The following SAMHD1 variants were observed in gnomAD, a reference collection of about 807,000 sequenced individuals.
The protein encoded by SAMHD1 is SAM and HD domain containing deoxynucleoside triphosphate triphosphohydrolase 1, also known as deoxynucleoside triphosphate triphosphohydrolase SAMHD1.
Under a neutral mutation model 79.6 loss-of-function variants are expected in SAMHD1, and 54 were observed. The observed-to-expected ratio is 0.68, with a 90% CI of 0.55 to 0.85. The LOEUF is 0.85. SAMHD1 is among the 40% of genes least tolerant of loss of function. The pLI is 0.00. For missense variants in SAMHD1, 663 were observed against 782.7 expected (o/e 0.85, Z 1.82); for synonymous variants, 260 against 264.1 (o/e 0.98, Z 0.15).
At position 36,923,606 on chromosome 20, in the gene SAMHD1, A is replaced by T. The variant is rs191532434; in HGVS notation, c.696+3576T>A. Among the ~76,000 whole-genome samples the T allele has an allele frequency of 1.9e-3, 285 of 152,242 alleles. 1 individual carries two copies. The highest frequency in any genetic ancestry group is 6.4e-3 in the African/African-American group (265 of 41,542). ...AGGAACTTAGGAGTAAGTATAACAA[A>T]GATGTATGACTTTCATGGCAAGCCT... On this transcript the variant is annotated intron_variant, in intron 6 of 15. Transcript: ENST00000646673.
rs1202190121 is a variant in SAMHD1, at chr20:36,939,138, C to T, written c.348+1901G>A. 1.0e-4 allele frequency among the ~76,000 whole-genome samples: 14 copies of T among 134,340 alleles called. 1 individual carries two copies. The highest frequency in any genetic ancestry group is 9.2e-5 in the Non-Finnish European group (6 of 65,340). The allele number at this position is 134,340 out of a possible 152,430, so 88.1% of individuals were successfully genotyped here. On this transcript the variant is annotated intron_variant, in intron 3 of 15. Transcript: ENST00000646673. ...GCGTGGTGGCAGGTGCCTGTAATCCCAGCTACTCAGGAGGCTGAGGCAGGA... is the reference window on the plus strand; with the variant it reads ...GCGTGGTGGCAGGTGCCTGTAATCCTAGCTACTCAGGAGGCTGAGGCAGGA...
intron 4 of SAMHD1, chr20:36,934,640 C>A: frequency 6.7e-6 from 1 of 149,142 alleles, no homozygotes; most frequent in Non-Finnish European, 1.4e-5. Context: ...CTTTTTTTTC[C>A]TGTTTTCTTT....
At chr20:36,923,475 A>G (rs1327499400) in intron 6 of SAMHD1, among the ~76,000 whole-genome samples, 3 of 152,132 alleles carry the variant, frequency 2.0e-5, no homozygotes, top group Non-Finnish European at 4.4e-5. Flanking sequence ...GGGATTTTCA[A>G]AATAGTAGTT....
intron 4 of SAMHD1, chr20:36,931,083 G>A (rs1438695325): frequency 1.7e-6 from 1 of 589,352 alleles, no homozygotes; most frequent in Non-Finnish European, 3.1e-6. Flanking sequence ...AATCATTAGA[G>A]GAATGCACAT....
chr20:36,930,427 C>T (rs1297325994), intron 5 of SAMHD1, among the ~76,000 whole-genome samples: 1 of 151,398 alleles, frequency 6.6e-6, no homozygotes, highest in East Asian at 2.0e-4. Flanking sequence ...AACCAGGAAG[C>T]GGAGGTTGCA....
intron 1 of SAMHD1, among the ~76,000 whole-genome samples, chr20:36,948,888 A>T (rs1416957847): frequency 3.1e-5 from 3 of 97,094 alleles, no homozygotes; most frequent in Non-Finnish European, 5.8e-5. Context: ...AAAAGAAAAG[A>T]AAAAAAGAAA....
intron 3 of SAMHD1, among the ~76,000 whole-genome samples, chr20:36,939,789 A>G (rs1600388689): frequency 6.6e-6 from 1 of 152,224 alleles, no homozygotes; most frequent in East Asian, 1.9e-4. Context: ...CCCAGGTCTG[A>G]AACTAAGTTT....
At chr20:36,943,198 AC>A (rs112833798) in intron 2 of SAMHD1, among the ~76,000 whole-genome samples, 1 of 152,170 alleles carries the variant, frequency 6.6e-6, no homozygotes. Context: ...CATTGGTACT[AC>A]TGTGAGCAAC....
chr20:36,898,638 G>T, intron 13 of SAMHD1, 94 bp from the exon 14 acceptor site: 1 of 958,704 alleles, frequency 1.0e-6, no homozygotes, highest in Non-Finnish European at 1.7e-6. Context: ...CAGAGGCCGG[G>T]CGCAGTAGCT....
intron 7 of SAMHD1, among the ~76,000 whole-genome samples, chr20:36,918,019 AT>A (rs901195740): frequency 1.3e-5 from 2 of 151,602 alleles, no homozygotes; most frequent in African/African-American, 4.8e-5. Context: ...TTCAAATATG[AT>A]TTTTTTTTAA....
chr20:36,923,720 T>A (rs1474570536), intron 6 of SAMHD1, among the ~76,000 whole-genome samples: 1 of 151,988 alleles, frequency 6.6e-6, no homozygotes, highest in Non-Finnish European at 1.5e-5. Flanking sequence ...GAGGCTGAGA[T>A]GGAAGGATCG....
At position 36,908,440 on chromosome 20, in the gene SAMHD1, G is replaced by T. The variant is rs573890119; in HGVS notation, c.1270+2778C>A. On this transcript the variant is annotated intron_variant, in intron 11 of 15. Coordinates refer to ENST00000646673, the MANE Select transcript of SAMHD1 (RefSeq NM_015474.4). ...TTTTTTAGAAACAGGGTTTCACCAT[G>T]TTGCCCAGGCTGGTCTCAAACTCCT... Among the ~76,000 whole-genome samples, 207 of 152,066 alleles carry T rather than the reference G, an allele frequency of 1.4e-3. 1 individual carries two copies. Among genetic ancestry groups the T allele is most frequent in the Middle Eastern group, 0.014 (4 of 294 alleles).
intron 13 of SAMHD1, among the ~76,000 whole-genome samples, chr20:36,900,460 G>C (rs974321863): frequency 1.3e-5 from 2 of 152,076 alleles, no homozygotes; most frequent in African/African-American, 4.8e-5. Context: ...TGACCAGGCT[G>C]GTCTCAAACT....
chr20:36,916,318 C>T (rs985877878), intron 9 of SAMHD1, among the ~76,000 whole-genome samples: 1 of 151,470 alleles, frequency 6.6e-6, no homozygotes, highest in Non-Finnish European at 1.5e-5. Context: ...TGAGTTGATC[C>T]GTCCAAAGCA....
At chr20:36,944,762 C>G (rs1412281596) in intron 2 of SAMHD1, among the ~76,000 whole-genome samples, 1 of 152,006 alleles carries the variant, frequency 6.6e-6, no homozygotes, top group East Asian at 1.9e-4. Context: ...GGCATGGTGG[C>G]GCATGCCTGT....
At chr20:36,948,339 G>A (rs1019119665) in intron 1 of SAMHD1, among the ~76,000 whole-genome samples, 37 of 151,816 alleles carry the variant, frequency 2.4e-4, no homozygotes, top group African/African-American at 8.5e-4. Context: ...TGCAACCTCC[G>A]CCTCCCAGGT....
downstream of SAMHD1, chr20:36,890,115 G>A (rs1990024640): frequency 6.6e-6 from 1 of 152,248 alleles, no homozygotes; most frequent in South Asian, 2.1e-4. Flanking sequence ...CCAGGTGCTT[G>A]TGAGTCTGTT....
chr20:36,941,355 CTT>C (rs1000176347), intron 2 of SAMHD1, among the ~76,000 whole-genome samples: 1 of 152,096 alleles, frequency 6.6e-6, no homozygotes, highest in African/African-American at 2.4e-5. Flanking sequence ...CCTCCTCTCT[CTT>C]GGTAAATTTA....
Position 36,927,072 on chromosome 20 carries a change from A to C in SAMHD1, c.696+110T>G, listed in dbSNP as rs2063541025. The C allele has an allele frequency of 1.5e-5, 14 of 932,892 alleles. 1 individual carries two copies. The South Asian group carries it at 1.8e-4, about 12-fold the overall frequency. 57.8% of individuals were successfully genotyped at this position (932,892 alleles called of 1,614,324 possible). On this transcript the variant is annotated intron_variant, in intron 6 of 15. Coordinates refer to ENST00000646673, the MANE Select transcript of SAMHD1 (RefSeq NM_015474.4). ...TGAATGAAAGCACCCTGGACACTGTAATGGGGAAGTATTTTATAACACAGT... is the reference window on the plus strand; with the variant it reads ...TGAATGAAAGCACCCTGGACACTGTCATGGGGAAGTATTTTATAACACAGT...
Sources: allele counts gnomAD v4.1 joint callset (sites outside exome capture counted in the v4.1 genomes callset), GRCh38; gene constraint gnomAD v4.1.1; transcripts MANE v1.5; gene names NCBI Gene and HGNC (gene_info 2026-07-23, HGNC 2026-07-21).